Variants in PRKCQ observed in about 807,000 individuals in gnomAD.
PRKCQ encodes protein kinase C theta type.
PRKCQ carries 41 observed loss-of-function variants against 91.2 expected under a neutral mutation model. The observed-to-expected ratio is 0.45, with a 90% CI of 0.35 to 0.58. The LOEUF is 0.58. Among genes scored for constraint, PRKCQ ranks in the 20% least tolerant of loss-of-function variants. The pLI is 0.00. For missense variants in PRKCQ, 673 were observed against 896.5 expected, an observed-to-expected ratio of 0.75 and a Z score of 3.18; for synonymous variants, 307 against 316.9, an observed-to-expected ratio of 0.97 and a Z score of 0.33.
intron 1 of PRKCQ, among the ~76,000 whole-genome samples, chr10:6,547,577 A>G (rs9663213): frequency 0.93 from 137,495 of 147,316 alleles, 64,354 homozygotes; most frequent in East Asian, 1. Flanking sequence ...AAATAAGGCC[A>G]CATATCTACA....
At chr10:6,476,917 T>A (rs1836295573) in intron 12 of PRKCQ, among the ~76,000 whole-genome samples, 1 of 152,104 alleles carries the variant, frequency 6.6e-6, no homozygotes, top group African/African-American at 2.4e-5. Flanking sequence ...GCAGAGTTTG[T>A]CCCTTTGCCT....
At chr10:6,568,328 T>C (rs934396499) in intron 1 of PRKCQ, among the ~76,000 whole-genome samples, 3 of 152,224 alleles carry the variant, frequency 2.0e-5, no homozygotes, top group Non-Finnish European at 4.4e-5. Context: ...TTTCATTTAA[T>C]TTAAACAAAA....
At chr10:6,423,306 G>A (rs562426963), downstream of PRKCQ, among the ~76,000 whole-genome samples, 7 of 152,306 alleles carry the variant, frequency 4.6e-5, no homozygotes, top group East Asian at 1.4e-3. Flanking sequence ...TACACACACA[G>A]GCACACGCAT....
chr10:6,414,802 AAAG>A, the PRKCQ span, among the ~76,000 whole-genome samples: 5 of 151,432 alleles, frequency 3.3e-5, no homozygotes, highest in Non-Finnish European at 7.4e-5. Flanking sequence ...GAAAAAAAAA[AAAG>A]AAAGAAAACC....
At chr10:6,403,620 G>A in the PRKCQ span, among the ~76,000 whole-genome samples, 1 of 152,120 alleles carries the variant, frequency 6.6e-6, no homozygotes, top group African/African-American at 2.4e-5. Context: ...TTGGAAAGGT[G>A]TTATATGGAT....
chr10:6,398,345 T>A, the PRKCQ span, among the ~76,000 whole-genome samples: 475 of 152,200 alleles, frequency 3.1e-3, 4 homozygotes, highest in Middle Eastern at 0.014. Flanking sequence ...CTTCAAAAGA[T>A]GATATTTATT....
At chr10:6,431,161 C>G (rs1244946135) in intron 16 of PRKCQ, among the ~76,000 whole-genome samples, 2 of 152,174 alleles carry the variant, frequency 1.3e-5, no homozygotes, top group Non-Finnish European at 2.9e-5. Context: ...GTGCATAGAC[C>G]TGATTTGAAA....
At chr10:6,459,612 T>A (rs551667282) in intron 14 of PRKCQ, among the ~76,000 whole-genome samples, 1 of 152,340 alleles carries the variant, frequency 6.6e-6, no homozygotes, top group South Asian at 2.1e-4. Flanking sequence ...CAAGGTGAGA[T>A]TATCCTTGAT....
chr10:6,464,491 C>T, intron 12 of PRKCQ, 87 bp from the exon 13 acceptor site: 2 of 1,184,042 alleles, frequency 1.7e-6, no homozygotes, highest in Admixed American at 2.0e-5. Context: ...ACTCTGTCTC[C>T]CAGGCTGGAG....
In PRKCQ at chr10:6,507,563, T is replaced by C; in HGVS notation, c.319-67A>G. The C allele has an allele frequency of 3.7e-6, 5 of 1,350,932 alleles. No homozygotes were observed. The East Asian group carries it at 6.9e-5, about 19-fold the overall frequency. The allele number at this position is 1,350,932 out of a possible 1,614,324, so 83.7% of individuals were successfully genotyped here. A position where few individuals can be genotyped will look rare whatever the true frequency, so the allele number is the denominator to read the frequency against. On this transcript the variant is annotated intron_variant, in intron 3 of 17. Coordinates refer to ENST00000263125, the MANE Select transcript of PRKCQ (RefSeq NM_006257.5). Reference sequence around the variant, plus strand: ...CAAGCCCTGAGTTCAATGACATCACTGGCTACTGACGATGGCAGGAGATTT... The same window carrying C: ...CAAGCCCTGAGTTCAATGACATCACCGGCTACTGACGATGGCAGGAGATTT...
intron 1 of PRKCQ, among the ~76,000 whole-genome samples, chr10:6,570,658 G>T (rs931898305): frequency 1.3e-5 from 2 of 151,498 alleles, no homozygotes; most frequent in African/African-American, 4.9e-5. Context: ...GGGTTCAAGC[G>T]ATTCTCCTGC....
chr10:6,479,254 TG>T, intron 11 of PRKCQ, 89 bp from the exon 12 acceptor site: 1 of 1,481,986 alleles, frequency 6.7e-7, no homozygotes. Context: ...ACACCTGTGT[TG>T]GGTGGGAAAA....
At chr10:6,544,215 G>A (rs148084561) in intron 1 of PRKCQ, among the ~76,000 whole-genome samples, 1 of 152,310 alleles carries the variant, frequency 6.6e-6, no homozygotes, top group African/African-American at 2.4e-5. Flanking sequence ...TAAACTGTTT[G>A]TGAGTCACAG....
At chr10:6,424,568 C>T (rs1040402949), downstream of PRKCQ, among the ~76,000 whole-genome samples, 11 of 152,256 alleles carry the variant, frequency 7.2e-5, no homozygotes, top group East Asian at 1.5e-3. Flanking sequence ...GGGATGTTCC[C>T]GGTCTGTGGG....
intron 16 of PRKCQ, among the ~76,000 whole-genome samples, chr10:6,437,964 A>G (rs1833785612): frequency 1.3e-5 from 2 of 152,042 alleles, no homozygotes; most frequent in African/African-American, 4.8e-5. Flanking sequence ...CCACTAACTT[A>G]TTTTTACTGT....
intron 12 of PRKCQ, among the ~76,000 whole-genome samples, chr10:6,470,907 C>T (rs984385665): frequency 2.1e-5 from 3 of 141,692 alleles, no homozygotes; most frequent in Admixed American, 7.2e-5. Context: ...GCCGCCTGGG[C>T]AACAGAGTGA....
intron 1 of PRKCQ, among the ~76,000 whole-genome samples, chr10:6,559,398 C>A (rs1019650512): frequency 6.6e-6 from 1 of 152,008 alleles, no homozygotes; most frequent in Non-Finnish European, 1.5e-5. Context: ...TCTCGCTCTG[C>A]CACCCAGGCT....
At chr10:6,555,452 G>A (rs1179918208) in intron 1 of PRKCQ, among the ~76,000 whole-genome samples, 1 of 152,118 alleles carries the variant, frequency 6.6e-6, no homozygotes, top group Non-Finnish European at 1.5e-5. Flanking sequence ...GACATTCAGT[G>A]AATAATGCAA....
chr10:6,473,428 A>G (rs1266790767), intron 12 of PRKCQ, among the ~76,000 whole-genome samples: 1 of 152,208 alleles, frequency 6.6e-6, no homozygotes, highest in Non-Finnish European at 1.5e-5. Context: ...AAAATCTAAC[A>G]TTTGCCAAAT....
Sources: allele counts gnomAD v4.1 joint callset (sites outside exome capture counted in the v4.1 genomes callset), GRCh38; gene constraint gnomAD v4.1.1; transcripts MANE v1.5; gene names NCBI Gene and HGNC (gene_info 2026-07-23, HGNC 2026-07-21).